The following MMP25 variants were observed in gnomAD, a reference collection of about 807,000 sequenced individuals.
MMP25 encodes matrix metalloproteinase-25.
Under a neutral mutation model 62.1 loss-of-function variants are expected in MMP25, and 68 were observed. That is an observed-to-expected ratio of 1.10 (90% CI 0.90 to 1.34). MMP25 has a LOEUF of 1.34. Among genes scored for constraint, MMP25 ranks in the 40% most tolerant of loss-of-function variants. The probability of loss-of-function intolerance (pLI) is 0.00; values close to 1 mark genes in which losing one functional copy is unlikely to be tolerated. For synonymous variants in MMP25, 407 were observed against 345.6 expected (o/e 1.18, Z -1.97); for missense variants, 942 against 792.5 (o/e 1.19, Z -2.26).
In MMP25 at chr16:3,058,405, C is replaced by A. The variant is rs755007174; in HGVS notation, c.1160-7C>A. On this transcript the variant is annotated splice_polypyrimidine_tract_variant and splice_region_variant and intron_variant, in intron 8 of 9. Transcript: ENST00000336577. ...CCACCCCTGACCTCCCGGCCTCCAC[C>A]CTGCAGGGCCCCAGTTCTGGGTGTT... The A allele has an allele frequency of 7.8e-6, 12 of 1,536,494 alleles. No individual in the cohort carries two copies. Among genetic ancestry groups the A allele is most frequent in the Non-Finnish European group, 1.1e-5 (12 of 1,141,332 alleles).
At chr16:3,047,296 G>C in intron 1 of MMP25, 119 bp from the exon 2 acceptor site, 1 of 1,443,694 alleles carries the variant, frequency 6.9e-7, no homozygotes, top group Non-Finnish European at 9.3e-7. Flanking sequence ...GCAGGCATCC[G>C]GGGCTGGGGC....
rs966655565 is a variant in MMP25, at chr16:3,059,604, G to C, written c.*506G>C. 6.5e-6 allele frequency: 1 copy of C among 153,440 alleles called. No individual in the cohort carries two copies. Among genetic ancestry groups the C allele is most frequent in the Non-Finnish European group, 1.5e-5 (1 of 68,964 alleles). 9.5% of individuals were successfully genotyped at this position (153,440 alleles called of 1,614,324 possible). On this transcript the variant is annotated 3_prime_UTR_variant, in exon 10 of 10. Coordinates refer to ENST00000336577, the MANE Select transcript of MMP25 (RefSeq NM_022468.5). ...CAGCCCCGCCCCGCCTGGCCACTGCGTCTGGCATTCCTGGGTCGTTAGAGG... is the reference window on the plus strand; with the variant it reads ...CAGCCCCGCCCCGCCTGGCCACTGCCTCTGGCATTCCTGGGTCGTTAGAGG...
chr16:3,052,175 A>C (rs1061019), intron 4 of MMP25: 76,563 of 151,586 alleles, frequency 0.51, 19,554 homozygotes, highest in African/African-American at 0.55. Context: ...ACACTGAGTG[A>C]CTACTAGCAC....
rs1432938670 is a variant in MMP25 at position 3,058,827 on chromosome 16, G to A, written c.1418G>A (p.Gly473Asp). 6.6e-7 allele frequency: 1 copy of A among 1,514,440 alleles called. No individual in the cohort carries two copies. The allele number at this position is 1,514,440 out of a possible 1,614,324, so 93.8% of individuals were successfully genotyped here. Residue 473 changes from glycine (G) to aspartate (D), a missense_variant and splice_region_variant, in exon 10 of 10, where the codon GGT becomes GAT. Transcript: ENST00000336577. ...SPDDVTVSNA[G>D]DTYFFKGAHY... ...CGGGACTCAAGCTCTGCTCCTCCAG[G>A]TGACACCTACTTCTTCAAGGGCGCC...
Position 3,059,325 on chromosome 16 carries a change from CA to C in MMP25, c.*228del. On this transcript the variant is annotated 3_prime_UTR_variant, in exon 10 of 10. Coordinates refer to ENST00000336577, the MANE Select transcript of MMP25 (RefSeq NM_022468.5). ...TCAGGGTCTGAGACCCCGGCGCTGCCACCGGAACCCGCCTTCAGGGGCGCAC... is the reference window on the plus strand; with the variant it reads ...TCAGGGTCTGAGACCCCGGCGCTGCCCCGGAACCCGCCTTCAGGGGCGCAC... 1 of 430,204 alleles carries C rather than the reference CA, an allele frequency of 2.3e-6. No homozygotes were observed. The allele number at this position is 430,204 out of a possible 1,614,324, so 26.6% of individuals were successfully genotyped here. A position where few individuals can be genotyped will look rare whatever the true frequency, so the allele number is the denominator to read the frequency against.
intron 7 of MMP25, 62 bp downstream of exon 7, chr16:3,057,675 G>GAA: frequency 4.1e-6 from 6 of 1,456,602 alleles, no homozygotes; most frequent in Non-Finnish European, 5.8e-6. Context: ...TGACCCACTG[G>GAA]GGCTGTGGGC....
At chr16:3,049,812 C>T (rs1305516888) in intron 2 of MMP25, among the ~76,000 whole-genome samples, 197 bp from the exon 3 acceptor site, 1 of 152,220 alleles carries the variant, frequency 6.6e-6, no homozygotes, top group Non-Finnish European at 1.5e-5. Flanking sequence ...CTCCAAAGGG[C>T]AGTAGGAATG....
Position 3,046,764 on chromosome 16 carries a change from C to G in MMP25, c.-154C>G. The G allele has an allele frequency of 4.3e-6, 2 of 460,182 alleles. No individual in the cohort carries two copies. Among genetic ancestry groups the G allele is most frequent in the Middle Eastern group, 5.7e-4 (1 of 1,748 alleles). The allele number at this position is 460,182 out of a possible 1,614,324, so 28.5% of individuals were successfully genotyped here. ...ACTCCACCGCGCACTTCCCGGGACC[C>G]CCACACACATCCCAGCCCTCCGGCC... On this transcript the variant is annotated 5_prime_UTR_variant, in exon 1 of 10. Coordinates refer to ENST00000336577, the MANE Select transcript of MMP25 (RefSeq NM_022468.5).
chr16:3,050,346 G>C lies in MMP25; in HGVS notation c.461G>C (p.Gly154Ala), dbSNP rs1316000907. 1.2e-6 allele frequency: 2 copies of C among 1,613,930 alleles called. No homozygotes were observed. Among genetic ancestry groups the C allele is most frequent in the Non-Finnish European group, 1.7e-6 (2 of 1,180,024 alleles). The change falls in exon 4 of 10, where the codon GGC becomes GCC. Residue 154 changes from glycine to alanine, a missense_variant. Coordinates refer to ENST00000336577, the MANE Select transcript of MMP25 (RefSeq NM_022468.5). Reference sequence around the variant, plus strand: ...CTGATGGCCTGGGGCATGGAGTCAGGCCTCACATTTCATGAGGTGGATTCC... The same window carrying C: ...CTGATGGCCTGGGGCATGGAGTCAGCCCTCACATTTCATGAGGTGGATTCC... The part of the protein sequence containing the change: ...YALMAWGMES[G>A]LTFHEVDSPQ...
Position 3,046,804 on chromosome 16 carries a change from C to T in MMP25, c.-114C>T, listed in dbSNP as rs935699649. 13 of 524,956 alleles carry T rather than the reference C, an allele frequency of 2.5e-5. No individual in the cohort carries two copies. The highest frequency in any genetic ancestry group is 1.6e-4 in the South Asian group (5 of 30,630). The allele number at this position is 524,956 out of a possible 1,614,324, so 32.5% of individuals were successfully genotyped here. A position where few individuals can be genotyped will look rare whatever the true frequency, so the allele number is the denominator to read the frequency against. On this transcript the variant is annotated 5_prime_UTR_variant, in exon 1 of 10. Transcript: ENST00000336577. ...GCCCTCCGGCCGATCCCTCCCTACT[C>T]GGTGCCGGGTGCCCCCCGCCCTCTC...
At position 3,060,280 on chromosome 16, in the gene MMP25, G is replaced by A. The variant is rs959327800; in HGVS notation, c.*1182G>A. The A allele has an allele frequency of 6.6e-6, 1 of 152,176 alleles. No homozygotes were observed. Among genetic ancestry groups the A allele is most frequent in the African/African-American group, 2.4e-5 (1 of 41,434 alleles). The allele number at this position is 152,176 out of a possible 1,614,324, so 9.4% of individuals were successfully genotyped here. A position where few individuals can be genotyped will look rare whatever the true frequency, so the allele number is the denominator to read the frequency against. ...ACCCTGAATCCTCACTCAGGGTGGG[G>A]TCAGGAATCTGCATTTTAACTAGTC... On this transcript the variant is annotated 3_prime_UTR_variant, in exon 10 of 10. Coordinates refer to ENST00000336577, the MANE Select transcript of MMP25 (RefSeq NM_022468.5).
At chr16:3,047,591 C>A in intron 2 of MMP25, 44 bp downstream of exon 2, 1 of 1,599,738 alleles carries the variant, frequency 6.3e-7, no homozygotes, top group Non-Finnish European at 8.5e-7. Context: ...CTGCACCCAG[C>A]CTGTCCACCG....
chr16:3,053,922 G>C (rs892711396), intron 4 of MMP25: 4 of 151,882 alleles, frequency 2.6e-5, no homozygotes, highest in African/African-American at 4.8e-5. Context: ...GAGGAGCGGG[G>C]GAAGTGAAGA....
intron 7 of MMP25, chr16:3,057,939 G>A: frequency 1.7e-6 from 1 of 580,168 alleles, no homozygotes; most frequent in African/African-American, 1.9e-5. Flanking sequence ...CCTGGCTCAG[G>A]TGATTCTCCG....
chr16:3,059,389 T>G lies in MMP25; in HGVS notation c.*291T>G. Reference sequence around the variant, plus strand: ...CATGCGTCGGTCGTCGCCCCCGTCGTTCCCTCCCGGCTGCCGCCAGGGGGC... The same window carrying G: ...CATGCGTCGGTCGTCGCCCCCGTCGGTCCCTCCCGGCTGCCGCCAGGGGGC... On this transcript the variant is annotated 3_prime_UTR_variant, in exon 10 of 10. Transcript: ENST00000336577. The G allele has an allele frequency of 7.5e-4, 200 of 267,964 alleles. No individual in the cohort carries two copies. Among genetic ancestry groups the G allele is most frequent in the Middle Eastern group, 3.1e-3 (3 of 964 alleles). The allele number at this position is 267,964 out of a possible 1,614,324, so 16.6% of individuals were successfully genotyped here.
Position 3,060,151 on chromosome 16 carries a change from A to C in MMP25, c.*1053A>C, listed in dbSNP as rs765943544. Reference sequence around the variant, plus strand: ...GGGGCACCTCGTTCACCCTGTCCCCACTCCCCACAGTTTTAGGATCTAAAT... The same window carrying C: ...GGGGCACCTCGTTCACCCTGTCCCCCCTCCCCACAGTTTTAGGATCTAAAT... On this transcript the variant is annotated 3_prime_UTR_variant, in exon 10 of 10. Transcript: ENST00000336577. 5 of 151,502 alleles carry C rather than the reference A, an allele frequency of 3.3e-5. No homozygotes were observed. Among genetic ancestry groups the C allele is most frequent in the Non-Finnish European group, 7.4e-5 (5 of 67,948 alleles). The allele number at this position is 151,502 out of a possible 1,614,324, so 9.4% of individuals were successfully genotyped here. A position where few individuals can be genotyped will look rare whatever the true frequency, so the allele number is the denominator to read the frequency against.
At chr16:3,058,090 G>C in intron 7 of MMP25, 91 bp from the exon 8 acceptor site, 4 of 1,489,820 alleles carry the variant, frequency 2.7e-6, no homozygotes, top group Non-Finnish European at 3.6e-6. Flanking sequence ...TTGATTTCCA[G>C]ATGGGACCCC....
rs979623158 is a variant in MMP25 at position 3,059,419 on chromosome 16, GGACCC to G, written c.*322_*326del. 375 of 259,020 alleles carry G rather than the reference GGACCC, an allele frequency of 1.4e-3. 4 individuals carry two copies. The highest frequency in any genetic ancestry group is 4.9e-3 in the South Asian group (31 of 6,350). 16.0% of individuals were successfully genotyped at this position (259,020 alleles called of 1,614,324 possible). On this transcript the variant is annotated 3_prime_UTR_variant, in exon 10 of 10. Coordinates refer to ENST00000336577, the MANE Select transcript of MMP25 (RefSeq NM_022468.5). Reference sequence around the variant, plus strand: ...TCCCGGCTGCCGCCAGGGGGCGGTCGGACCCCGCCTCCCGAGCCCGGGGAGGGGCG... The same window carrying G: ...TCCCGGCTGCCGCCAGGGGGCGGTCGCGCCTCCCGAGCCCGGGGAGGGGCG...
intron 2 of MMP25, 72 bp downstream of exon 2, chr16:3,047,619 C>A (rs1234022367): frequency 1.4e-5 from 21 of 1,517,378 alleles, no homozygotes; most frequent in Non-Finnish European, 1.8e-5. Flanking sequence ...GCCTTTAGAC[C>A]TCAGTGTGCT....
Sources: gnomAD v4.1 joint callset for allele counts (sites outside exome capture counted in the v4.1 genomes callset) on GRCh38, gnomAD v4.1.1 for gene constraint, MANE v1.5 for transcripts, NCBI Gene and HGNC (gene_info 2026-07-23, HGNC 2026-07-21) for gene names.